The following ZCCHC2 variants were observed in gnomAD, a reference collection of about 807,000 sequenced individuals.
The protein encoded by ZCCHC2 is zinc finger CCHC-type containing 2.
Under a neutral mutation model 103.6 loss-of-function variants are expected in ZCCHC2, and 39 were observed. The observed-to-expected ratio is 0.38, with a 90% CI of 0.29 to 0.49. The LOEUF (loss-of-function observed/expected upper bound fraction) is 0.49. Among genes scored for constraint, ZCCHC2 ranks in the 20% least tolerant of loss-of-function variants. The pLI, the probability that ZCCHC2 is intolerant of heterozygous loss-of-function variation, is 0.96. For missense variants in ZCCHC2, 1,483 were observed against 1,491.0 expected, an observed-to-expected ratio of 0.99 and a Z score of 0.09; for synonymous variants, 687 against 608.9, an observed-to-expected ratio of 1.13 and a Z score of -1.89.
rs1339946823 is a variant in ZCCHC2, at chr18:62,576,560, C to A, written c.3518C>A (p.Thr1173Lys). ...CCTCCCCTCCCCCCTTCTAATGATACGTTGGATTCTGCAGACTGAAACGAG... is the reference window on the plus strand; with the variant it reads ...CCTCCCCTCCCCCCTTCTAATGATAAGTTGGATTCTGCAGACTGAAACGAG... Reference protein sequence around the residue: ...YAPPLPPSNDTLDSAD With the variant: ...YAPPLPPSNDKLDSAD Residue 1173 changes from threonine to lysine, a missense_variant, in exon 14 of 14, where the codon ACG (threonine) becomes AAG (lysine). Physicochemically the swap from Thr to Lys is moderately conservative, Grantham distance 78. Coordinates refer to ENST00000269499, the MANE Select transcript of ZCCHC2 (RefSeq NM_017742.6). 6.2e-7 allele frequency: 1 copy of A among 1,613,718 alleles called. No homozygotes were observed. Among genetic ancestry groups the A allele is most frequent in the South Asian group, 1.1e-5 (1 of 91,026 alleles).
At chr18:62,586,180 G>A (rs1001648364) in exon 15 of ZCCHC2, 1 of 149,910 alleles carries the variant, frequency 6.7e-6, no homozygotes, top group Non-Finnish European at 1.5e-5. Context: ...CATCTCAAAA[G>A]TTCCTTTCAG....
chr18:62,544,204 C>T (rs1915317314), intron 3 of ZCCHC2, among the ~76,000 whole-genome samples: 1 of 152,150 alleles, frequency 6.6e-6, no homozygotes, highest in Non-Finnish European at 1.5e-5. Flanking sequence ...TTGCAACCTA[C>T]TTAGAGTCAC....
intron 1 of ZCCHC2, among the ~76,000 whole-genome samples, chr18:62,532,706 G>A (rs1390022559): frequency 2.0e-5 from 3 of 152,000 alleles, no homozygotes; most frequent in Non-Finnish European, 4.4e-5. Context: ...TGTAATTTTG[G>A]TACTTCTGTG....
At chr18:62,579,755 T>G (rs1036293070), downstream of ZCCHC2, among the ~76,000 whole-genome samples, 2 of 152,032 alleles carry the variant, frequency 1.3e-5, no homozygotes, top group Non-Finnish European at 2.9e-5. Context: ...ATGCTTTAGC[T>G]CTTGCTGCCC....
intron 11 of ZCCHC2, among the ~76,000 whole-genome samples, chr18:62,568,904 G>A (rs1482197402): frequency 1.3e-5 from 2 of 152,208 alleles, no homozygotes; most frequent in Non-Finnish European, 2.9e-5. Context: ...AGCAGCCATT[G>A]GTGGTGTTGA....
At chr18:62,528,226 T>C (rs1192921564) in intron 1 of ZCCHC2, among the ~76,000 whole-genome samples, 2 of 152,196 alleles carry the variant, frequency 1.3e-5, no homozygotes, top group African/African-American at 4.8e-5. Flanking sequence ...ACAAAACATA[T>C]TTGAGTTCAT....
chr18:62,579,302 G>C (rs1002833546), downstream of ZCCHC2, among the ~76,000 whole-genome samples: 6 of 152,190 alleles, frequency 3.9e-5, no homozygotes, highest in African/African-American at 1.2e-4. Flanking sequence ...CCCTCTCTCA[G>C]TATAATGTGT....
At chr18:62,556,346 T>C in intron 6 of ZCCHC2, 49 bp downstream of exon 6, 1 of 1,412,880 alleles carries the variant, frequency 7.1e-7, no homozygotes, top group Non-Finnish European at 9.7e-7. Context: ...TTGTTGGATT[T>C]TATTGCTTTA....
intron 13 of ZCCHC2, 88 bp downstream of exon 13, chr18:62,575,638 A>G (rs1177916727): frequency 2.8e-6 from 4 of 1,446,474 alleles, no homozygotes; most frequent in Non-Finnish European, 2.8e-6. Flanking sequence ...CTGTTGTAGC[A>G]GAAAGATCTG....
Position 62,523,673 on chromosome 18 carries a change from C to A in ZCCHC2, c.249C>A (p.Gly83=), listed in dbSNP as rs1295624447. The change falls in exon 1 of 14, where the codon GGC becomes GGA. Residue 83 remains glycine (G), a synonymous_variant. Coordinates refer to ENST00000269499, the MANE Select transcript of ZCCHC2 (RefSeq NM_017742.6). ...CGGCGGCGGGGGCGGGTATGCCGGGCGGCGGCGGGGGGCCCTCGGCGGCGC... is the reference window on the plus strand; with the variant it reads ...CGGCGGCGGGGGCGGGTATGCCGGGAGGCGGCGGGGGGCCCTCGGCGGCGC... ...GGAAAGAGMP[G]GGGGPSAALR... is the part of the protein sequence containing the mutation. 24 of 1,363,334 alleles carry A rather than the reference C, an allele frequency of 1.8e-5. No individual in the cohort carries two copies. The highest frequency in any genetic ancestry group is 2.1e-5 in the Non-Finnish European group (22 of 1,062,056). 84.5% of individuals were successfully genotyped at this position (1,363,334 alleles called of 1,614,324 possible).
At chr18:62,540,694 T>C (rs1915133138) in intron 2 of ZCCHC2, among the ~76,000 whole-genome samples, 3 of 152,328 alleles carry the variant, frequency 2.0e-5, no homozygotes, top group East Asian at 1.9e-4. Flanking sequence ...AAAAATATTT[T>C]AGAAGAACGT....
intron 12 of ZCCHC2, among the ~76,000 whole-genome samples, chr18:62,573,049 T>C (rs1484456547): frequency 6.6e-6 from 1 of 152,228 alleles, no homozygotes; most frequent in Non-Finnish European, 1.5e-5. Flanking sequence ...CATTTAATCT[T>C]TCTTCAGGAA....
At chr18:62,545,627 G>A (rs566380511) in intron 4 of ZCCHC2, among the ~76,000 whole-genome samples, 10 of 152,322 alleles carry the variant, frequency 6.6e-5, no homozygotes, top group African/African-American at 2.2e-4. Flanking sequence ...CAAAAGGAGA[G>A]AATAGGTATA....
chr18:62,571,237 T>C (rs1406878815), intron 12 of ZCCHC2, among the ~76,000 whole-genome samples: 2 of 152,102 alleles, frequency 1.3e-5, no homozygotes, highest in African/African-American at 4.8e-5. Flanking sequence ...AGTTTGGTGG[T>C]GGGGCTTTTG....
chr18:62,554,635 A>G (rs551097024), intron 5 of ZCCHC2, among the ~76,000 whole-genome samples: 1 of 152,186 alleles, frequency 6.6e-6, no homozygotes, highest in Non-Finnish European at 1.5e-5. Flanking sequence ...ATTTGGAGTT[A>G]TATCTGGGCT....
chr18:62,560,379 TG>T (rs1916064800), intron 7 of ZCCHC2: 1 of 411,474 alleles, frequency 2.4e-6, no homozygotes, highest in Admixed American at 4.0e-5. Context: ...TGCTGTTAGG[TG>T]GAAGACATTT....
chr18:62,563,111 A>G lies in ZCCHC2; in HGVS notation c.1653A>G (p.Gln551=), dbSNP rs748548243. Residue 551 remains glutamine (Q), a synonymous_variant, in exon 9 of 14, where the codon CAA becomes CAG. Coordinates refer to ENST00000269499, the MANE Select transcript of ZCCHC2 (RefSeq NM_017742.6). ...GGAAGCAAAGCTGTACCACCATTCA[A>G]CACCCAGAGCACTGTGTGACCTCGG... is the stretch of plus-strand genomic sequence containing the variant. ...DWRKQSCTTI[Q]HPEHCVTSAD... The G allele has an allele frequency of 2.5e-6, 4 of 1,613,964 alleles. No homozygotes were observed. The highest frequency in any genetic ancestry group is 3.4e-6 in the Non-Finnish European group (4 of 1,179,836).
At chr18:62,525,491 G>A (rs1477222071) in intron 1 of ZCCHC2, 3 of 150,554 alleles carry the variant, frequency 2.0e-5, no homozygotes, top group East Asian at 3.8e-4. Flanking sequence ...TCCTCTCCTT[G>A]CTTGAACGTT....
chr18:62,559,141 T>C (rs1293357179), intron 7 of ZCCHC2, among the ~76,000 whole-genome samples: 1 of 152,222 alleles, frequency 6.6e-6, no homozygotes, highest in Non-Finnish European at 1.5e-5. Context: ...AAGCCTTTCT[T>C]GAATAAAGTA....
Sources: allele counts gnomAD v4.1 joint callset (sites outside exome capture counted in the v4.1 genomes callset), GRCh38; gene constraint gnomAD v4.1.1; transcripts MANE v1.5; gene names NCBI Gene and HGNC (gene_info 2026-07-23, HGNC 2026-07-21).